Variants in PCBP2 observed in about 807,000 individuals in gnomAD.
PCBP2 encodes poly(rC)-binding protein 2.
In PCBP2, 4 loss-of-function variants were observed where a neutral mutation model predicts 50.1. The ratio of observed to expected loss-of-function variants is 0.08; its 90% confidence interval spans 0.04 to 0.18. PCBP2 has a LOEUF of 0.18. Ranked by LOEUF, PCBP2 falls within the 10% of genes least tolerant of loss-of-function variation. The probability of loss-of-function intolerance (pLI) is 1.00; values close to 1 mark genes in which losing one functional copy is unlikely to be tolerated. For synonymous variants in PCBP2, 179 were observed against 168.0 expected (o/e 1.07, Z -0.51); for missense variants, 161 against 474.3 (o/e 0.34, Z 6.14).
Position 53,459,346 on chromosome 12 carries a change from T to G in PCBP2, c.318T>G (p.Ala106=). 2 of 1,613,492 alleles carry G rather than the reference T, an allele frequency of 1.2e-6. 1 individual carries two copies. Among genetic ancestry groups the G allele is most frequent in the South Asian group, 2.2e-5 (2 of 91,048 alleles). The change falls in exon 6 of 15, where the codon GCT becomes GCG. Residue 106 remains alanine, a synonymous_variant. Coordinates refer to ENST00000546463, the MANE Select transcript of PCBP2 (RefSeq NM_031989.5). ...TCACCCTGAGGCTGGTGGTCCCTGC[T>G]AGTCAGTGTGGCTCTCTCATTGGAA... is the stretch of plus-strand genomic sequence containing the variant. ...PPVTLRLVVP[A]SQCGSLIGKG...
intron 5 of PCBP2, among the ~76,000 whole-genome samples, chr12:53,457,890 T>G (rs1364794297): frequency 6.6e-6 from 1 of 152,230 alleles, no homozygotes; most frequent in Non-Finnish European, 1.5e-5. Flanking sequence ...TGGGAAAGAC[T>G]ATAGGCTTTG....
At chr12:53,456,470 AAGTCAC>A (rs1456698189) in intron 5 of PCBP2, among the ~76,000 whole-genome samples, 1 of 152,118 alleles carries the variant, frequency 6.6e-6, no homozygotes, top group Non-Finnish European at 1.5e-5. Context: ...AAAAAAAAAA[AAGTCAC>A]TTGAATCATC....
chr12:53,457,533 A>G (rs1016274986), intron 5 of PCBP2, among the ~76,000 whole-genome samples: 1 of 150,880 alleles, frequency 6.6e-6, no homozygotes, highest in Non-Finnish European at 1.5e-5. Flanking sequence ...TTTTGTAGAG[A>G]CTGAGTCTTC....
chr12:53,453,707 A>G (rs1183265888), intron 1 of PCBP2, among the ~76,000 whole-genome samples: 2 of 152,202 alleles, frequency 1.3e-5, no homozygotes, highest in Non-Finnish European at 2.9e-5. Context: ...ACAACTTGGG[A>G]GAGGTCCTTT....
At chr12:53,454,122 C>G (rs992620802) in intron 1 of PCBP2, among the ~76,000 whole-genome samples, 2 of 152,122 alleles carry the variant, frequency 1.3e-5, no homozygotes, top group African/African-American at 4.8e-5. Flanking sequence ...GAATATGGAA[C>G]CCCAGCCTGC....
chr12:53,476,232 C>T (rs2137125322), intron 14 of PCBP2, among the ~76,000 whole-genome samples: 1 of 152,260 alleles, frequency 6.6e-6, no homozygotes, highest in East Asian at 1.9e-4. Flanking sequence ...TGCTCCCCAC[C>T]AGCACTATCA....
At chr12:53,458,575 G>A (rs1941217364) in intron 5 of PCBP2, among the ~76,000 whole-genome samples, 2 of 151,692 alleles carry the variant, frequency 1.3e-5, no homozygotes, top group African/African-American at 4.8e-5. Flanking sequence ...CCAAAGTACT[G>A]GGATTACAGG....
intron 14 of PCBP2, chr12:53,475,998 C>T (rs1173483191): frequency 1.3e-5 from 2 of 152,144 alleles, no homozygotes; most frequent in African/African-American, 4.8e-5. Flanking sequence ...ACTTCTTTAC[C>T]CAGAATGAAG....
intron 8 of PCBP2, among the ~76,000 whole-genome samples, chr12:53,462,911 A>G (rs952734368): frequency 3.3e-5 from 5 of 152,146 alleles, no homozygotes; most frequent in Non-Finnish European, 7.4e-5. Context: ...AAAAGGTAGC[A>G]AAGAGTTGGA....
At chr12:53,467,889 T>G (rs1168251408) in intron 12 of PCBP2, 46 bp downstream of exon 12, 3 of 1,371,822 alleles carry the variant, frequency 2.2e-6, no homozygotes, top group Non-Finnish European at 1.0e-6. Flanking sequence ...ACTGTTATAT[T>G]AATAAACTGG....
At position 53,480,533 on chromosome 12, in the gene PCBP2, G is replaced by A. The variant is rs1942980576; in HGVS notation, c.*1091G>A. On this transcript the variant is annotated 3_prime_UTR_variant, in exon 15 of 15. Transcript: ENST00000546463. ...GTTATATTTCAAGGTTTTTCACAGG[G>A]GTTACAGTAGGACAGTCCCCACCCC... is the stretch of plus-strand genomic sequence containing the variant. 6.6e-6 allele frequency: 1 copy of A among 152,492 alleles called. No homozygotes were observed. The highest frequency in any genetic ancestry group is 6.5e-5 in the Admixed American group (1 of 15,270). The allele number at this position is 152,492 out of a possible 1,614,324, so 9.4% of individuals were successfully genotyped here.
intron 11 of PCBP2, 186 bp downstream of exon 11, chr12:53,467,479 G>T (rs891355646): frequency 4.5e-6 from 3 of 664,062 alleles, no homozygotes; most frequent in East Asian, 5.4e-5. Flanking sequence ...TTCATTTGGG[G>T]TCAGTTATTC....
intron 7 of PCBP2, among the ~76,000 whole-genome samples, chr12:53,461,433 T>G (rs947875622): frequency 2.6e-5 from 4 of 152,202 alleles, no homozygotes; most frequent in African/African-American, 9.7e-5. Context: ...GAGATTTATT[T>G]GAGTTCCTGA....
intron 14 of PCBP2, 139 bp downstream of exon 14, chr12:53,471,946 T>G: frequency 3.9e-6 from 2 of 509,950 alleles, no homozygotes; most frequent in Non-Finnish European, 6.3e-6. Flanking sequence ...TTTTGCTAGC[T>G]CTACTTTCTT....
intron 14 of PCBP2, chr12:53,475,257 C>T (rs921388427): frequency 2.4e-6 from 1 of 425,176 alleles, no homozygotes; most frequent in Non-Finnish European, 4.8e-6. Flanking sequence ...TTATTTTGTT[C>T]ATTTTGTTTT....
At chr12:53,468,018 A>G in intron 12 of PCBP2, 175 bp downstream of exon 12, 1 of 600,408 alleles carries the variant, frequency 1.7e-6, no homozygotes, top group East Asian at 2.8e-5. Flanking sequence ...GATCTGGCCA[A>G]CCCCCTTCTA....
intron 9 of PCBP2, 42 bp downstream of exon 9, chr12:53,464,894 C>G (rs1312100323): frequency 6.4e-7 from 1 of 1,552,570 alleles, no homozygotes; most frequent in Non-Finnish European, 8.7e-7. Flanking sequence ...CTCAATCCTT[C>G]CGCCTCAGCC....
At chr12:53,456,272 A>G (rs1030872500) in intron 5 of PCBP2, among the ~76,000 whole-genome samples, 3 of 152,090 alleles carry the variant, frequency 2.0e-5, no homozygotes, top group African/African-American at 7.2e-5. Context: ...TTCGAGACCA[A>G]CATAGTGAAA....
intron 14 of PCBP2, among the ~76,000 whole-genome samples, chr12:53,477,387 C>A (rs993123462): frequency 1.3e-5 from 2 of 152,002 alleles, no homozygotes; most frequent in South Asian, 2.1e-4. Context: ...TATCCCCTGC[C>A]GGGCACGGTG....
Sources: allele counts gnomAD v4.1 joint callset (sites outside exome capture counted in the v4.1 genomes callset), GRCh38; gene constraint gnomAD v4.1.1; transcripts MANE v1.5; gene names NCBI Gene and HGNC (gene_info 2026-07-23, HGNC 2026-07-21).